FN1: variants seen among roughly 807,000 people sequenced by gnomAD.
FN1 encodes fibronectin 1.
FN1 carries 106 observed loss-of-function variants against 297.3 expected under a neutral mutation model. That is an observed-to-expected ratio of 0.36 (90% CI 0.30 to 0.42). The LOEUF (loss-of-function observed/expected upper bound fraction) is 0.42, where lower values mean the gene tolerates loss of function less well. Among genes scored for constraint, FN1 ranks in the 10% least tolerant of loss-of-function variants. The pLI is 1.00. For missense variants in FN1, 2,690 were observed against 3,124.9 expected (o/e 0.86, Z 3.32); for synonymous variants, 1,149 against 1,152.6 (o/e 1.00, Z 0.06).
At chr2:215,396,276 A>C (rs1415583358) in intron 23 of FN1, among the ~76,000 whole-genome samples, 1 of 152,210 alleles carries the variant, frequency 6.6e-6, no homozygotes, top group Non-Finnish European at 1.5e-5. Flanking sequence ...TTTTTGTTTA[A>C]GATTTTTCTC....
chr2:215,424,317 G>C lies in FN1; in HGVS notation c.1045C>G (p.Gln349Glu). Residue 349 changes from glutamine to glutamate, a missense_variant, in exon 8 of 46, where the codon CAG becomes GAG. By Grantham distance (29) the Gln-to-Glu change is conservative. Transcript: ENST00000354785. ...CCATTTGAGTTGCCACCGTAAGTCT[G>C]GGTTACAGCTACAATCATAATCAAA... The part of the protein sequence containing the change: ...GVSCQETAVT[Q>E]TYGGNSNGEP... The C allele has an allele frequency of 6.2e-7, 1 of 1,613,586 alleles. No individual in the cohort carries two copies. Among genetic ancestry groups the C allele is most frequent in the Non-Finnish European group, 8.5e-7 (1 of 1,179,546 alleles).
rs1482793596 is a variant in FN1, at chr2:215,408,211, A to C, written c.2429-14T>G. ...GGGCATCAGGCGCTAAGAAAGAAAG[A>C]AAGTGGGGCAAACAGTCAGGAAGTG... On this transcript the variant is annotated splice_polypyrimidine_tract_variant and intron_variant, in intron 16 of 45. Coordinates refer to ENST00000354785, the MANE Select transcript of FN1 (RefSeq NM_212482.4). 1.2e-6 allele frequency: 2 copies of C among 1,613,448 alleles called. No homozygotes were observed. The highest frequency in any genetic ancestry group is 2.7e-5 in the African/African-American group (2 of 74,890).
chr2:215,414,949 C>A lies in FN1; in HGVS notation c.1829G>T (p.Gly610Val), dbSNP rs745902139. Residue 610 changes from glycine (G) to valine (V), a missense_variant, in exon 13 of 46, where the codon GGT becomes GTT. Physicochemically the swap from Gly to Val is moderately radical, Grantham distance 109. Coordinates refer to ENST00000354785, the MANE Select transcript of FN1 (RefSeq NM_212482.4). The stretch of plus-strand genomic sequence containing the variant: ...CTCAGTGATAAATACTTCGACAGGA[C>A]CACTTGAGCCTGAAAATGAAAATGT... ...QPLQTYPSSS[G>V]PVEVFITETP... 15 of 1,613,122 alleles carry A rather than the reference C, an allele frequency of 9.3e-6. No homozygotes were observed. Among genetic ancestry groups the A allele is most frequent in the Non-Finnish European group, 1.0e-5 (12 of 1,179,376 alleles).
intron 21 of FN1, 135 bp from the exon 22 acceptor site, chr2:215,397,983 T>C: frequency 1.2e-6 from 1 of 803,228 alleles, no homozygotes; most frequent in Non-Finnish European, 2.1e-6. Flanking sequence ...TGGGAAATGA[T>C]TTGGGGACTC....
In FN1 at chr2:215,361,588, A is replaced by T. The variant is rs757979640; in HGVS notation, c.7401T>A (p.Asp2467Glu). The change falls in exon 46 of 46, where the codon GAT (aspartate) becomes GAA (glutamate). Residue 2467 changes from aspartate (D) to glutamate (E), a missense_variant. By Grantham distance (45) the Asp-to-Glu change is conservative. Around this residue, in one of 3 missense-constraint regions of FN1, gnomAD observed 1,743 missense variants for 1,945.2 expected, o/e 0.90. Transcript: ENST00000354785. ...GGGAATCTTCTCTGTCAGCCTGTAC[A>T]TCTAAAGGCATGAAGCACTCAATTG... is the stretch of plus-strand genomic sequence containing the variant. ...NCPIECFMPL[D>E]VQADREDSRE is the part of the protein sequence containing the mutation. 6.8e-6 allele frequency: 11 copies of T among 1,612,844 alleles called. No homozygotes were observed. The highest frequency in any genetic ancestry group is 3.3e-5 in the Admixed American group (2 of 59,998).
At chr2:215,396,380 AT>A (rs2060316876) in intron 23 of FN1, among the ~76,000 whole-genome samples, 1 of 152,202 alleles carries the variant, frequency 6.6e-6, no homozygotes, top group Admixed American at 6.5e-5. Flanking sequence ...CTGTTTGAAT[AT>A]TGTTAACAAC....
Position 215,434,785 on chromosome 2 carries a change from TG to T in FN1, c.187del (p.Gln63AsnfsTer8). Reference protein sequence around the residue: ...YDNGKHYQINQQWERTYLGNA... With the variant: ...YDNGKHYQINXQWERTYLGNA... ...GCCTAGGTAGGTCCGCTCCCACTGT[TG>T]ATTTATCTGATAGTGTTTTCCATTG... On this transcript the variant is annotated frameshift_variant, in exon 2 of 46. Transcript: ENST00000354785. LOFTEE classifies it high-confidence loss of function. 1 of 1,613,934 alleles carries T rather than the reference TG, an allele frequency of 6.2e-7. No homozygotes were observed. The highest frequency in any genetic ancestry group is 8.5e-7 in the Non-Finnish European group (1 of 1,179,812).
At chr2:215,380,012 C>T (rs2057984043) in intron 33 of FN1, 1 of 152,570 alleles carries the variant, frequency 6.6e-6, no homozygotes, top group Admixed American at 6.5e-5. Flanking sequence ...TTCTATTCTA[C>T]ATAAAGTATC....
chr2:215,366,676 T>TGC (rs1216835386), intron 42 of FN1, among the ~76,000 whole-genome samples: 1 of 152,216 alleles, frequency 6.6e-6, no homozygotes, highest in Non-Finnish European at 1.5e-5. Context: ...CAATTCAGCC[T>TGC]GCCTTAAGCT....
rs745870871 is a variant in FN1 at position 215,375,745 on chromosome 2, A to C, written c.5888-27T>G. On this transcript the variant is annotated intron_variant, in intron 36 of 45. Coordinates refer to ENST00000354785, the MANE Select transcript of FN1 (RefSeq NM_212482.4). ...TGGGATTTGAGAAGAGATGATTTTT[A>C]ACAGTTCTTGCTTTTTACTAGGAGA... The C allele has an allele frequency of 6.2e-6, 9 of 1,454,550 alleles. No homozygotes were observed. The East Asian group carries it at 1.6e-4, about 26-fold the overall frequency. 90.1% of individuals were successfully genotyped at this position (1,454,550 alleles called of 1,614,324 possible).
chr2:215,400,064 T>C (rs1309726934), intron 20 of FN1, among the ~76,000 whole-genome samples: 1 of 152,046 alleles, frequency 6.6e-6, no homozygotes, highest in East Asian at 1.9e-4. Flanking sequence ...GGCTCATGCC[T>C]GTAGTCCCAG....
At chr2:215,392,761 C>T in intron 25 of FN1, 170 bp downstream of exon 25, 1 of 700,484 alleles carries the variant, frequency 1.4e-6, no homozygotes, top group South Asian at 1.7e-5. Context: ...ATGTGTTTTT[C>T]TCCAATCAGT....
At chr2:215,377,081 AGTGTGTGTGT>A (rs66762371) in intron 35 of FN1, among the ~76,000 whole-genome samples, 26 of 147,444 alleles carry the variant, frequency 1.8e-4, no homozygotes, top group East Asian at 1.4e-3. Flanking sequence ...AGAGAGAGAG[AGTGTGTGTGT>A]GTGTGTGTGT....
intron 33 of FN1, 192 bp downstream of exon 33, chr2:215,380,619 T>G (rs573797917): frequency 2.6e-6 from 2 of 757,512 alleles, no homozygotes; most frequent in African/African-American, 3.5e-5. Flanking sequence ...AAAATTTCTT[T>G]TAATCAGACT....
In FN1 at chr2:215,428,325, A is replaced by C; in HGVS notation, c.699T>G (p.Asp233Glu). The change falls in exon 6 of 46, where the codon GAT becomes GAG. Residue 233 changes from aspartate to glutamate, a missense_variant. Around this residue, in one of 3 missense-constraint regions of FN1, gnomAD observed 876 missense variants for 1,058.1 expected, o/e 0.83. Transcript: ENST00000354785. ...ITCTSRNRCN[D>E]QDTRTSYRIG... ...TTCTATAGGATGTCCTTGTGTCCTG[A>C]TCGTTGCATCTATCTGTGTCACAAA... 6.2e-7 allele frequency: 1 copy of C among 1,614,088 alleles called. No individual in the cohort carries two copies. The highest frequency in any genetic ancestry group is 8.5e-7 in the Non-Finnish European group (1 of 1,179,994).
Position 215,407,258 on chromosome 2 carries a change from G to C in FN1, c.2582C>G (p.Thr861Ser), listed in dbSNP as rs775625063. 5.0e-6 allele frequency: 8 copies of C among 1,614,176 alleles called. No individual in the cohort carries two copies. The highest frequency in any genetic ancestry group is 1.6e-4 in the Middle Eastern group (1 of 6,062). The change falls in exon 18 of 46, where the codon ACT (threonine) becomes AGT (serine). Residue 861 changes from threonine to serine, a missense_variant. Transcript: ENST00000354785. Reference protein sequence around the residue: ...GSSTELNLPETANSVTLSDLQ... With the variant: ...GSSTELNLPESANSVTLSDLQ... ...GTCACTGAGGGTGACGGAGTTTGCA[G>C]TTTCAGGAAGGTTGAGTTCTGTGCT...
Position 215,367,811 on chromosome 2 carries a change from A to G in FN1, c.7018+52T>C. The G allele has an allele frequency of 3.8e-6, 6 of 1,588,436 alleles. No individual in the cohort carries two copies. In the African/African-American group the frequency reaches 4.0e-5, roughly 11 times the overall value. On this transcript the variant is annotated intron_variant, in intron 42 of 45. Coordinates refer to ENST00000354785, the MANE Select transcript of FN1 (RefSeq NM_212482.4). ...GCTTCCTTGGCACATGAGTGCATGC[A>G]TGGAACTTGAGGAGACAAACACGGA...
intron 20 of FN1, among the ~76,000 whole-genome samples, chr2:215,401,766 T>TC (rs1041515115): frequency 1.3e-5 from 2 of 152,198 alleles, no homozygotes; most frequent in Non-Finnish European, 2.9e-5. Context: ...CATTTTTTTT[T>TC]CAGTCTGGAT....
At chr2:215,368,242 CTTTTA>C (rs2055065764) in intron 41 of FN1, among the ~76,000 whole-genome samples, 2 of 152,198 alleles carry the variant, frequency 1.3e-5, no homozygotes, top group African/African-American at 4.8e-5. Flanking sequence ...GGAAGCCCAT[CTTTTA>C]TTTTTCCCTT....
Sources: allele counts gnomAD v4.1 joint callset (sites outside exome capture counted in the v4.1 genomes callset), GRCh38; gene constraint gnomAD v4.1.1; regional missense constraint gnomAD v4.1.1; transcripts MANE v1.5; gene names NCBI Gene and HGNC (gene_info 2026-07-23, HGNC 2026-07-21).